The following ACBD6 variants were observed in gnomAD, a reference collection of about 807,000 sequenced individuals.
ACBD6 encodes acyl-CoA binding domain containing 6.
A neutral mutation model predicts 37.2 loss-of-function variants in ACBD6; 28 were observed. The observed-to-expected ratio is 0.75, with a 90% CI of 0.56 to 1.03. ACBD6 has a LOEUF of 1.03. Among genes scored for constraint, ACBD6 ranks in the 50% least tolerant of loss-of-function variants. The pLI is 0.00. For missense variants in ACBD6, 340 were observed against 337.4 expected, an observed-to-expected ratio of 1.01 and a Z score of -0.06; for synonymous variants, 113 against 126.8, an observed-to-expected ratio of 0.89 and a Z score of 0.73.
exon 11 of ACBD6, chr1:180,274,049 C>A: frequency 9.2e-7 from 1 of 1,083,782 alleles, no homozygotes; most frequent in South Asian, 1.3e-5. Context: ...ATTGGTGTGT[C>A]TGACCCATGC....
At chr1:180,404,993 A>C (rs1332075257) in intron 5 of ACBD6, among the ~76,000 whole-genome samples, 1 of 152,216 alleles carries the variant, frequency 6.6e-6, no homozygotes, top group East Asian at 1.9e-4. Flanking sequence ...AATAAGCGTA[A>C]TAGACAATTT....
At chr1:180,274,096 C>A in exon 11 of ACBD6, 1 of 1,533,604 alleles carries the variant, frequency 6.5e-7, no homozygotes, top group Non-Finnish European at 9.0e-7. Flanking sequence ...GGGCATCTTT[C>A]CTGGTCATGT....
chr1:180,271,923 AGAG>A, exon 14 of ACBD6: 1 of 1,613,462 alleles, frequency 6.2e-7, no homozygotes, highest in Non-Finnish European at 8.5e-7. Context: ...AAGAGCGTCA[AGAG>A]GAGCCGGGGC....
In ACBD6 at chr1:180,413,493, T is replaced by A. The variant is rs772229236; in HGVS notation, c.468-22A>T. On this transcript the variant is annotated intron_variant, in intron 4 of 7. Transcript: ENST00000367595. The stretch of plus-strand genomic sequence containing the variant: ...TTCCCTAGAATAAAAAAAAGAAAGG[T>A]CTTTTTTTACTGGGTAATACATTAA... 1.4e-5 allele frequency: 21 copies of A among 1,547,758 alleles called. 2 individuals are homozygous for A. The South Asian group carries it at 2.3e-4, about 17-fold the overall frequency.
intron 6 of ACBD6, among the ~76,000 whole-genome samples, chr1:180,347,449 C>T (rs1453138522): frequency 6.7e-6 from 1 of 149,528 alleles, no homozygotes; most frequent in African/African-American, 2.5e-5. Context: ...ACTGCAGCCT[C>T]CCCCTCCCGG....
chr1:180,481,807 A>G (rs950572943), intron 3 of ACBD6, among the ~76,000 whole-genome samples: 2 of 152,244 alleles, frequency 1.3e-5, no homozygotes, highest in African/African-American at 2.4e-5. Context: ...TTATAAGGAA[A>G]TTAGAATAAT....
intron 6 of ACBD6, among the ~76,000 whole-genome samples, chr1:180,359,039 G>A (rs1364834756): frequency 6.6e-6 from 1 of 152,178 alleles, no homozygotes; most frequent in African/African-American, 2.4e-5. Flanking sequence ...AGGTGGTGCT[G>A]GAAGGGAATC....
intron 4 of ACBD6, among the ~76,000 whole-genome samples, chr1:180,416,070 G>C (rs1034964348): frequency 1.3e-5 from 2 of 152,116 alleles, no homozygotes; most frequent in African/African-American, 4.8e-5. Flanking sequence ...AATGCTACAA[G>C]GCTGAATGAC....
In ACBD6 at chr1:180,349,223, AT is replaced by A. The variant is rs765123911; in HGVS notation, c.664-34502del. Among the ~76,000 whole-genome samples, 12 of 151,456 alleles carry A rather than the reference AT, an allele frequency of 7.9e-5. No individual in the cohort carries two copies. The East Asian group carries it at 1.5e-3, about 19-fold the overall frequency. ...ATGCTAATCTTCTCTGTATCGTTCC[AT>A]TTTTTTAGTATAATAAAAAATATAA... is the stretch of plus-strand genomic sequence containing the variant. On this transcript the variant is annotated intron_variant, in intron 6 of 7. Transcript: ENST00000367595.
intron 4 of ACBD6, among the ~76,000 whole-genome samples, chr1:180,428,850 C>T (rs1648702419): frequency 6.6e-6 from 1 of 152,008 alleles, no homozygotes; most frequent in Non-Finnish European, 1.5e-5. Flanking sequence ...GAAAAATAGC[C>T]TATACATTTT....
chr1:180,475,702 T>C (rs1650752201), intron 3 of ACBD6, among the ~76,000 whole-genome samples: 3 of 152,228 alleles, frequency 2.0e-5, no homozygotes, highest in African/African-American at 7.2e-5. Flanking sequence ...AGTTTGGTCC[T>C]ATTTAGTATT....
downstream of ACBD6, chr1:180,287,418 A>C (rs1649539649): frequency 6.6e-6 from 1 of 151,404 alleles, no homozygotes; most frequent in South Asian, 2.1e-4. Context: ...TCAAAAAAAA[A>C]AAAAAAAAAA....
intron 3 of ACBD6, among the ~76,000 whole-genome samples, chr1:180,467,304 T>A (rs1650383970): frequency 6.6e-6 from 1 of 151,560 alleles, no homozygotes; most frequent in Non-Finnish European, 1.5e-5. Flanking sequence ...AATTTAATCT[T>A]ATAGAAGTAT....
intron 9 of ACBD6, among the ~76,000 whole-genome samples, chr1:180,279,454 G>T (rs185290791): frequency 6.6e-6 from 1 of 152,002 alleles, no homozygotes; most frequent in Non-Finnish European, 1.5e-5. Context: ...GCGCAAACAC[G>T]CCTGGCTAAT....
chr1:180,435,733 C>G, intron 3 of ACBD6: 1 of 843,708 alleles, frequency 1.2e-6, no homozygotes, highest in South Asian at 1.3e-5. Context: ...CAGCAGGAAA[C>G]AGTAACACGC....
Position 180,288,277 on chromosome 1 carries a change from G to T in ACBD6, c.*86C>A. 6.4e-7 allele frequency: 1 copy of T among 1,572,482 alleles called. No individual in the cohort carries two copies. The highest frequency in any genetic ancestry group is 2.2e-5 in the East Asian group (1 of 44,456). On this transcript the variant is annotated 3_prime_UTR_variant, in exon 8 of 8. Transcript: ENST00000367595. Reference sequence around the variant, plus strand: ...TTATTAGCCAATACATACCAAAGACGGGTGGAAAAGAAGTATTATTTTTGT... The same window carrying T: ...TTATTAGCCAATACATACCAAAGACTGGTGGAAAAGAAGTATTATTTTTGT...
exon 14 of ACBD6, chr1:180,270,098 A>C (rs1202624588): frequency 6.6e-6 from 1 of 152,202 alleles, no homozygotes; most frequent in Non-Finnish European, 1.5e-5. Flanking sequence ...TGGACTTCCA[A>C]GGGGGAAGTG....
chr1:180,397,652 C>T, intron 5 of ACBD6, 47 bp from the exon 6 acceptor site: 1 of 1,425,446 alleles, frequency 7.0e-7, no homozygotes, highest in Non-Finnish European at 9.9e-7. Flanking sequence ...GTTGTGGAGC[C>T]ATGTAAAAGA....
intron 3 of ACBD6, among the ~76,000 whole-genome samples, chr1:180,487,880 A>C (rs534531449): frequency 1.3e-5 from 2 of 152,372 alleles, no homozygotes; most frequent in African/African-American, 2.4e-5. Flanking sequence ...TTGTGGATTG[A>C]AGACATGCAC....
Sources: allele counts gnomAD v4.1 joint callset (sites outside exome capture counted in the v4.1 genomes callset), GRCh38; gene constraint gnomAD v4.1.1; transcripts MANE v1.5; gene names NCBI Gene and HGNC (gene_info 2026-07-23, HGNC 2026-07-21).